The following COPB2 variants were observed in gnomAD, a reference collection of about 807,000 sequenced individuals.
The protein encoded by COPB2 is coat protein complex I subunit beta 2, also known as coatomer subunit beta'.
Under a neutral mutation model 120.8 loss-of-function variants are expected in COPB2, and 16 were observed. The ratio of observed to expected loss-of-function variants is 0.13; its 90% CI spans 0.09 to 0.20. The LOEUF is 0.20. COPB2 is among the 10% of genes least tolerant of loss of function. The pLI, the probability that COPB2 is intolerant of heterozygous loss-of-function variation, is 1.00. For synonymous variants in COPB2, 332 were observed against 366.3 expected, an observed-to-expected ratio of 0.91 and a Z score of 1.07; for missense variants, 794 against 1,076.5, an observed-to-expected ratio of 0.74 and a Z score of 3.67.
intron 15 of COPB2, 57 bp from the exon 16 acceptor site, chr3:139,362,574 T>TTA (rs57549985): frequency 6.3e-4 from 492 of 776,848 alleles, no homozygotes; most frequent in African/African-American, 1.8e-3. Flanking sequence ...TATGTATGTT[T>TTA]TATATATATA....
At chr3:139,386,745 A>G (rs1269442796) in intron 1 of COPB2, among the ~76,000 whole-genome samples, 1 of 152,152 alleles carries the variant, frequency 6.6e-6, no homozygotes, top group Non-Finnish European at 1.5e-5. Flanking sequence ...TTCCTCCAGT[A>G]ATGAGGAAAT....
Position 139,379,430 on chromosome 3 carries a change from C to G in COPB2, c.178G>C (p.Val60Leu). 3 of 1,614,128 alleles carry G rather than the reference C, an allele frequency of 1.9e-6. No individual in the cohort carries two copies. Among genetic ancestry groups the G allele is most frequent in the Non-Finnish European group, 2.5e-6 (3 of 1,180,006 alleles). The stretch of plus-strand genomic sequence containing the variant: ...CTTGCAACAAACTTTGCAGCTCGAA[C>G]AGGAAGATCACATACTTCAAATGTC... ...VKTFEVCDLP[V>L]RAAKFVARKN... is the part of the protein sequence containing the mutation. The change falls in exon 3 of 22, where the codon GTT (valine) becomes CTT (leucine). Residue 60 changes from valine to leucine, a missense_variant. Around this residue, in one of 3 missense-constraint regions of COPB2, gnomAD observed 610 missense variants for 866.7 expected, o/e 0.70. Coordinates refer to ENST00000333188, the MANE Select transcript of COPB2 (RefSeq NM_004766.3).
At chr3:139,367,200 T>A (rs1208465915) in intron 13 of COPB2, 55 bp from the exon 14 acceptor site, 52 of 1,586,448 alleles carry the variant, frequency 3.3e-5, no homozygotes, top group Non-Finnish European at 4.5e-5. Flanking sequence ...AATCTCTCAA[T>A]AAAAAGCTGA....
Position 139,371,707 on chromosome 3 carries a change from T to C in COPB2, c.1205+16A>G, listed in dbSNP as rs1941626815. ...TGCAATCAGGGCATGCTGGCTATCA[T>C]ACAATCAAAACTTACTCTGAAGAAT... On this transcript the variant is annotated intron_variant, in intron 10 of 21. Transcript: ENST00000333188. 1.9e-6 allele frequency: 3 copies of C among 1,607,828 alleles called. No individual in the cohort carries two copies. Among genetic ancestry groups the C allele is most frequent in the African/African-American group, 1.3e-5 (1 of 74,770 alleles).
chr3:139,377,700 T>C (rs187146328), intron 5 of COPB2, among the ~76,000 whole-genome samples: 31 of 152,292 alleles, frequency 2.0e-4, no homozygotes, highest in Non-Finnish European at 3.5e-4. Flanking sequence ...AGATAAACGA[T>C]GAGCAGAAGT....
At chr3:139,378,794 T>C (rs1341923225) in intron 4 of COPB2, among the ~76,000 whole-genome samples, 1 of 152,192 alleles carries the variant, frequency 6.6e-6, no homozygotes, top group Non-Finnish European at 1.5e-5. Flanking sequence ...TCAGCAGATG[T>C]TTAAACATCT....
intron 2 of COPB2, chr3:139,380,030 A>T: frequency 2.0e-5 from 2 of 101,738 alleles, no homozygotes; most frequent in Admixed American, 1.3e-4. Flanking sequence ...TTTTTTTGAG[A>T]CAGTCTTACT....
At chr3:139,378,250 C>A (rs112186932) in intron 4 of COPB2, 61 bp from the exon 5 acceptor site, 6 of 1,446,262 alleles carry the variant, frequency 4.1e-6, no homozygotes, top group Non-Finnish European at 5.6e-6. Context: ...ATAACTAAGA[C>A]ACAGTCTTTA....
intron 2 of COPB2, chr3:139,380,043 G>A (rs1392280143): frequency 9.4e-6 from 1 of 106,540 alleles, no homozygotes; most frequent in Non-Finnish European, 1.7e-5. Flanking sequence ...GTCTTACTCT[G>A]TCACCCAGGC....
chr3:139,375,957 T>A (rs1349669070), intron 5 of COPB2, among the ~76,000 whole-genome samples: 1 of 152,150 alleles, frequency 6.6e-6, no homozygotes, highest in Non-Finnish European at 1.5e-5. Flanking sequence ...TAGTAAGATA[T>A]ATTAAAAGTT....
intron 9 of COPB2, 105 bp downstream of exon 9, chr3:139,373,108 G>A: frequency 8.9e-7 from 1 of 1,122,924 alleles, no homozygotes; most frequent in Non-Finnish European, 1.3e-6. Flanking sequence ...AAAGCACATT[G>A]AGGAATGATT....
At chr3:139,374,699 C>A in intron 6 of COPB2, 111 bp from the exon 7 acceptor site, 1 of 679,422 alleles carries the variant, frequency 1.5e-6, no homozygotes, top group Non-Finnish European at 2.3e-6. Context: ...TCATGAAAAT[C>A]TAAATAATAT....
chr3:139,383,550 A>C, intron 1 of COPB2, 115 bp from the exon 2 acceptor site: 1 of 950,738 alleles, frequency 1.1e-6, no homozygotes, highest in Non-Finnish European at 1.5e-6. Context: ...TACTTTGCTA[A>C]GCTTTTGAAA....
At position 139,367,007 on chromosome 3, in the gene COPB2, T is replaced by C. The variant is rs1941529871; in HGVS notation, c.1676+8A>G. On this transcript the variant is annotated splice_region_variant and intron_variant, in intron 14 of 21. Transcript: ENST00000333188. ...ATTTAGGACAAATGCAAAATGATAC[T>C]CAGGTACCTGTCCAAGTGGGCAATG... The C allele has an allele frequency of 6.2e-6, 10 of 1,603,506 alleles. No individual in the cohort carries two copies. The highest frequency in any genetic ancestry group is 8.5e-6 in the Non-Finnish European group (10 of 1,176,452).
At position 139,379,476 on chromosome 3, in the gene COPB2, G is replaced by T. The variant is rs774965390; in HGVS notation, c.142-10C>A. 6.2e-7 allele frequency: 1 copy of T among 1,608,534 alleles called. No individual in the cohort carries two copies. The highest frequency in any genetic ancestry group is 8.5e-7 in the Non-Finnish European group (1 of 1,175,908). The stretch of plus-strand genomic sequence containing the variant: ...ATGTCTTCACCAGTGTCTTTAAAAT[G>T]TAACAAGAATACACAAATTGAGCTA... On this transcript the variant is annotated splice_polypyrimidine_tract_variant and intron_variant, in intron 2 of 21. Coordinates refer to ENST00000333188, the MANE Select transcript of COPB2 (RefSeq NM_004766.3).
chr3:139,359,009 G>T lies in COPB2; in HGVS notation c.2473C>A (p.Pro825Thr). The change falls in exon 19 of 22, where the codon CCA (proline) becomes ACA (threonine). Residue 825 changes from proline to threonine, a missense_variant. Pro to Thr is a conservative substitution (Grantham distance 38, BLOSUM62 -1). This residue lies in a region of COPB2 where 178 missense variants were observed against 183.2 expected (regional missense o/e 0.97). Coordinates refer to ENST00000333188, the MANE Select transcript of COPB2 (RefSeq NM_004766.3). The stretch of plus-strand genomic sequence containing the variant: ...TCCTGGCCACTCACCGTGACAAGTG[G>T]GTATTGTTTGGCTGGCCACAGATCA... The part of the protein sequence containing the change: ...HADLWPAKQY[P>T]LVTPNEERNV... 1 of 1,612,446 alleles carries T rather than the reference G, an allele frequency of 6.2e-7. No individual in the cohort carries two copies.
chr3:139,369,821 T>A (rs1941589158), intron 10 of COPB2, among the ~76,000 whole-genome samples: 1 of 152,194 alleles, frequency 6.6e-6, no homozygotes, highest in Non-Finnish European at 1.5e-5. Flanking sequence ...AATAGGTGAA[T>A]GATTAAACAA....
intron 9 of COPB2, 112 bp downstream of exon 9, chr3:139,373,099 AAG>A: frequency 9.6e-7 from 1 of 1,046,330 alleles, no homozygotes; most frequent in Non-Finnish European, 1.5e-6. Context: ...GCCAGGGCAA[AAG>A]CACATTGAGG....
In COPB2 at chr3:139,387,228, A is replaced by G. The variant is rs190252058; in HGVS notation, c.3+2320T>C. Among the ~76,000 whole-genome samples, 392 of 151,966 alleles carry G rather than the reference A, an allele frequency of 2.6e-3. 1 individual carries two copies. Among genetic ancestry groups the G allele is most frequent in the African/African-American group, 7.3e-3 (302 of 41,396 alleles). ...TCTGTCAAGAAAGAAAGAAAGAAAGAAAGAAGGAAAGAAGGAAGTAAGGAA... is the reference window on the plus strand; with the variant it reads ...TCTGTCAAGAAAGAAAGAAAGAAAGGAAGAAGGAAAGAAGGAAGTAAGGAA... On this transcript the variant is annotated intron_variant, in intron 1 of 21. Coordinates refer to ENST00000333188, the MANE Select transcript of COPB2 (RefSeq NM_004766.3).
Sources: allele counts gnomAD v4.1 joint callset (sites outside exome capture counted in the v4.1 genomes callset), GRCh38; gene constraint gnomAD v4.1.1; regional missense constraint gnomAD v4.1.1; transcripts MANE v1.5; gene names NCBI Gene and HGNC (gene_info 2026-07-23, HGNC 2026-07-21).